Variants in TXNL1 observed in about 807,000 individuals in gnomAD.
TXNL1 encodes thioredoxin-like protein 1.
In TXNL1, 14 loss-of-function variants were observed where a neutral mutation model predicts 35.5. That is an observed-to-expected ratio of 0.39 (90% CI 0.26 to 0.62). The LOEUF is 0.62. TXNL1 is among the 20% of genes least tolerant of loss of function. TXNL1 has a pLI of 0.47. For missense variants in TXNL1, 263 were observed against 349.7 expected, an observed-to-expected ratio of 0.75 and a Z score of 1.98; for synonymous variants, 110 against 115.5, an observed-to-expected ratio of 0.95 and a Z score of 0.31.
rs115015953 is a variant in TXNL1, at chr18:56,626,376, A to G, written c.180T>C (p.Asp60=). 126 of 1,613,266 alleles carry G rather than the reference A, an allele frequency of 7.8e-5. No homozygotes were observed. The East Asian group carries it at 2.6e-3, about 33-fold the overall frequency. The part of the protein sequence containing the change: ...KYPQAVFLEV[D]VHQCQGTAAT... ...TTTCCCTTACCTGACACTGATGTAC[A>G]TCGACTTCCAAGAAAACAGCCTGTG... Residue 60 remains aspartate, a synonymous_variant, in exon 2 of 8, where the codon GAT becomes GAC. Coordinates refer to ENST00000217515, the MANE Select transcript of TXNL1 (RefSeq NM_004786.3).
chr18:56,619,213 CAAA>C (rs780757654), intron 3 of TXNL1, among the ~76,000 whole-genome samples: 6 of 64,978 alleles, frequency 9.2e-5, no homozygotes, highest in Admixed American at 1.8e-4. Flanking sequence ...GACCCTGTCT[CAAA>C]AAAAAAAAAA....
chr18:56,622,750 C>A (rs1011994482), intron 3 of TXNL1, among the ~76,000 whole-genome samples: 2 of 152,014 alleles, frequency 1.3e-5, no homozygotes, highest in Non-Finnish European at 2.9e-5. Flanking sequence ...AATGCAAACA[C>A]CCTTAGTAAT....
At chr18:56,614,904 TAAAC>T (rs1331773791) in intron 5 of TXNL1, among the ~76,000 whole-genome samples, 1 of 152,040 alleles carries the variant, frequency 6.6e-6, no homozygotes, top group Non-Finnish European at 1.5e-5. Context: ...CATGCTACGA[TAAAC>T]AAAATACCAC....
intron 7 of TXNL1, chr18:56,609,289 A>C (rs903174876): frequency 3.9e-5 from 6 of 152,170 alleles, no homozygotes; most frequent in African/African-American, 1.4e-4. Context: ...AAATACTCTC[A>C]AACAAAAAAG....
At chr18:56,626,797 CTTTTTTTTTTTT>C (rs386387792) in intron 1 of TXNL1, among the ~76,000 whole-genome samples, 13 of 55,014 alleles carry the variant, frequency 2.4e-4, no homozygotes, top group East Asian at 6.6e-4. Context: ...CCAAGCCGGT[CTTTTTTTTTTTT>C]TTTTTTTTTT....
intron 2 of TXNL1, among the ~76,000 whole-genome samples, chr18:56,625,955 T>C (rs952710219): frequency 1.3e-5 from 2 of 152,214 alleles, no homozygotes; most frequent in African/African-American, 4.8e-5. Context: ...TTCTGCTCAG[T>C]GTGTCCATTT....
chr18:56,602,299 C>T lies in TXNL1; in HGVS notation c.*728G>A, dbSNP rs1475690125. On this transcript the variant is annotated 3_prime_UTR_variant, in exon 8 of 8. Transcript: ENST00000217515. Reference sequence around the variant, plus strand: ...GTACTGGGATTACAGACATTAGCCACCACACCTGGCCAATTCCTGTTTTCT... The same window carrying T: ...GTACTGGGATTACAGACATTAGCCATCACACCTGGCCAATTCCTGTTTTCT... The T allele has an allele frequency of 6.6e-6, 1 of 151,480 alleles. No individual in the cohort carries two copies. The highest frequency in any genetic ancestry group is 1.5e-5 in the Non-Finnish European group (1 of 67,978). The allele number at this position is 151,480 out of a possible 1,614,324, so 9.4% of individuals were successfully genotyped here.
intron 3 of TXNL1, 46 bp downstream of exon 3, chr18:56,624,242 T>C (rs1180935290): frequency 1.3e-6 from 2 of 1,527,752 alleles, no homozygotes; most frequent in Non-Finnish European, 1.8e-6. Flanking sequence ...AATAATGACA[T>C]GTACAAGATA....
chr18:56,616,171 TA>T, intron 5 of TXNL1, 73 bp downstream of exon 5: 3 of 1,307,234 alleles, frequency 2.3e-6, no homozygotes, highest in African/African-American at 1.5e-5. Flanking sequence ...CTCTATTTAA[TA>T]AAAAGTTTTA....
intron 1 of TXNL1, among the ~76,000 whole-genome samples, chr18:56,635,998 G>A (rs1264827897): frequency 6.6e-6 from 1 of 152,114 alleles, no homozygotes; most frequent in Admixed American, 6.5e-5. Flanking sequence ...CAGCACAAAT[G>A]CAATTTTTTT....
intron 7 of TXNL1, among the ~76,000 whole-genome samples, chr18:56,606,842 T>A (rs2023904254): frequency 6.6e-6 from 1 of 152,200 alleles, no homozygotes; most frequent in Non-Finnish European, 1.5e-5. Flanking sequence ...CTTTCTGCAG[T>A]TTCAACTGCC....
rs1301944400 is a variant in TXNL1 at position 56,602,362 on chromosome 18, TTTCCACA to T, written c.*658_*664del. 1 of 141,218 alleles carries T rather than the reference TTTCCACA, an allele frequency of 7.1e-6. No homozygotes were observed. The highest frequency in any genetic ancestry group is 1.5e-5 in the Non-Finnish European group (1 of 66,430). The allele number at this position is 141,218 out of a possible 1,614,324, so 8.7% of individuals were successfully genotyped here. ...CTGTATTTTTTCCCCAACTGTCTGA[TTTCCACA>T]TTCTTCTATTAGTTAAAAAAAAAAA... On this transcript the variant is annotated 3_prime_UTR_variant, in exon 8 of 8. Transcript: ENST00000217515.
chr18:56,613,845 T>G (rs1223957622), intron 6 of TXNL1, among the ~76,000 whole-genome samples: 2 of 151,994 alleles, frequency 1.3e-5, no homozygotes, highest in African/African-American at 4.8e-5. Flanking sequence ...CCTTAGGTCA[T>G]CTTATAAAAT....
At chr18:56,629,170 C>T (rs1261116646) in intron 1 of TXNL1, among the ~76,000 whole-genome samples, 2 of 152,142 alleles carry the variant, frequency 1.3e-5, no homozygotes, top group Non-Finnish European at 2.9e-5. Flanking sequence ...TTCAATGTAA[C>T]ATGTTTGTAA....
chr18:56,599,346 T>G lies in TXNL1; in HGVS notation c.*3681A>C, dbSNP rs1339355204. 1.3e-5 allele frequency: 2 copies of G among 151,870 alleles called. No individual in the cohort carries two copies. Among genetic ancestry groups the G allele is most frequent in the Admixed American group, 6.6e-5 (1 of 15,246 alleles). The allele number at this position is 151,870 out of a possible 1,614,324, so 9.4% of individuals were successfully genotyped here. On this transcript the variant is annotated 3_prime_UTR_variant, in exon 8 of 8. Coordinates refer to ENST00000217515, the MANE Select transcript of TXNL1 (RefSeq NM_004786.3). ...ATTTTGAAACATGCTTAAAATGACA[T>G]CAGTAGTCTTCCTTAAGAAGTATAG...
chr18:56,616,386 T>C (rs2024087156), intron 4 of TXNL1, 72 bp from the exon 5 acceptor site: 2 of 1,353,702 alleles, frequency 1.5e-6, no homozygotes, highest in African/African-American at 3.0e-5. Context: ...TGAAGCAGAA[T>C]GAAAATAACA....
intron 1 of TXNL1, among the ~76,000 whole-genome samples, chr18:56,634,588 T>C (rs1460851026): frequency 6.6e-6 from 1 of 152,168 alleles, no homozygotes. Context: ...CGATAAACGG[T>C]GTTGGAAAAA....
chr18:56,617,922 T>A, intron 4 of TXNL1, 82 bp downstream of exon 4: 1 of 1,532,410 alleles, frequency 6.5e-7, no homozygotes, highest in Admixed American at 1.7e-5. Flanking sequence ...AGGAGAGACG[T>A]AAGCCACAAA....
At chr18:56,626,980 A>AT (rs556368982) in intron 1 of TXNL1, among the ~76,000 whole-genome samples, 11,938 of 125,608 alleles carry the variant, frequency 0.095, 1,023 homozygotes, top group African/African-American at 0.24. Flanking sequence ...ACCAAGCTAC[A>AT]TTTTTTTTTT....
Sources: allele counts gnomAD v4.1 joint callset (sites outside exome capture counted in the v4.1 genomes callset), GRCh38; gene constraint gnomAD v4.1.1; transcripts MANE v1.5; gene names NCBI Gene and HGNC (gene_info 2026-07-23, HGNC 2026-07-21).